KCNE1: variants seen among roughly 807,000 people sequenced by gnomAD.
The protein encoded by KCNE1 is potassium voltage-gated channel subfamily E member 1.
KCNE1 carries 1 observed loss-of-function variant against 2.9 expected under a neutral mutation model. The observed-to-expected ratio is 0.34, with a 90% CI of 0.12 to 1.62. The LOEUF is 1.62. Among genes scored for constraint, KCNE1 ranks in the 40% most tolerant of loss-of-function variants. The pLI, the probability that KCNE1 is intolerant of heterozygous loss-of-function variation, is 0.36. For synonymous variants in KCNE1, 23 were observed against 65.4 expected (o/e 0.35, Z 3.13); for missense variants, 45 against 150.5 (o/e 0.30, Z 3.67).
intron 1 of KCNE1, among the ~76,000 whole-genome samples, chr21:34,511,597 C>T (rs976951360): frequency 6.6e-6 from 1 of 152,200 alleles, no homozygotes; most frequent in Non-Finnish European, 1.5e-5. Flanking sequence ...CTGTCTGTTA[C>T]AAATTATGTA....
rs183416338 is a variant in KCNE1, at chr21:34,498,455, G to A, written c.-162+12646C>T. Reference sequence around the variant, plus strand: ...GGGGCTTCCTGGGAGCCAGACTGCAGTAATTGTAATTGTTCTTCTGGGTCT... The same window carrying A: ...GGGGCTTCCTGGGAGCCAGACTGCAATAATTGTAATTGTTCTTCTGGGTCT... On this transcript the variant is annotated intron_variant, in intron 2 of 3. Transcript: ENST00000399286. 7.9e-5 allele frequency among the ~76,000 whole-genome samples: 12 copies of A among 152,324 alleles called. No individual in the cohort carries two copies. The East Asian group carries it at 1.7e-3, about 22-fold the overall frequency.
intron 2 of KCNE1, among the ~76,000 whole-genome samples, chr21:34,502,937 C>T (rs1983255455): frequency 6.6e-6 from 1 of 152,232 alleles, no homozygotes; most frequent in African/African-American, 2.4e-5. Context: ...TTCTCATTCA[C>T]CACTCAGCAC....
intron 2 of KCNE1, among the ~76,000 whole-genome samples, chr21:34,499,026 G>A (rs895060535): frequency 6.6e-6 from 1 of 152,224 alleles, no homozygotes; most frequent in African/African-American, 2.4e-5. Context: ...TGGGGGCAGA[G>A]TTTGGCATGT....
intron 2 of KCNE1, among the ~76,000 whole-genome samples, chr21:34,503,586 C>T (rs550185731): frequency 9.9e-5 from 15 of 152,192 alleles, no homozygotes; most frequent in South Asian, 6.2e-4. Context: ...GGTCTATGGA[C>T]GACCAGTTCC....
At chr21:34,497,484 T>C (rs992803841) in intron 2 of KCNE1, among the ~76,000 whole-genome samples, 1 of 152,242 alleles carries the variant, frequency 6.6e-6, no homozygotes, top group African/African-American at 2.4e-5. Context: ...ACAATTATTT[T>C]GTTTGAGGAG....
intron 2 of KCNE1, among the ~76,000 whole-genome samples, chr21:34,502,503 C>T (rs1983225701): frequency 6.6e-6 from 1 of 152,202 alleles, no homozygotes. Flanking sequence ...CAAGACATGT[C>T]CTGTCCTTTA....
rs903669172 is a variant in KCNE1, at chr21:34,512,050, C to T, written c.-400G>A. 2.6e-5 allele frequency: 4 copies of T among 152,254 alleles called. No individual in the cohort carries two copies. Among genetic ancestry groups the T allele is most frequent in the South Asian group, 2.1e-4 (1 of 4,826 alleles). The allele number at this position is 152,254 out of a possible 1,614,324, so 9.4% of individuals were successfully genotyped here. On this transcript the variant is annotated 5_prime_UTR_variant, in exon 1 of 4. Transcript: ENST00000399286. ...ACCTAGACCCTTGCATCAAAGGACT[C>T]GGGGACTCTGCTGCAGTCATCCTAG... is the stretch of plus-strand genomic sequence containing the variant.
In KCNE1 at chr21:34,449,501, A is replaced by AG; in HGVS notation, c.133dup (p.Leu45ProfsTer66). 2 of 1,036,556 alleles carry AG rather than the reference A, an allele frequency of 1.9e-6. 1 individual carries two copies. Among genetic ancestry groups the AG allele is most frequent in the East Asian group, 6.5e-5 (2 of 30,716 alleles). 64.2% of individuals were successfully genotyped at this position (1,036,556 alleles called of 1,614,324 possible). On this transcript the variant is annotated frameshift_variant, in exon 4 of 4. Coordinates refer to ENST00000399286, the MANE Select transcript of KCNE1 (RefSeq NM_000219.6). LOFTEE classifies it high-confidence loss of function. ...GAATCCCAGTACCATGAGGACGTAG[A>AG]GGGCCTCCAGCTTGCCGTCACTGCT...
chr21:34,509,473 TGA>T (rs1170998180), intron 2 of KCNE1: 1 of 152,216 alleles, frequency 6.6e-6, no homozygotes, highest in Admixed American at 6.5e-5. Flanking sequence ...TTTTTGTTTT[TGA>T]GACAGAGTCT....
chr21:34,449,315 T>G lies in KCNE1; in HGVS notation c.320A>C (p.Tyr107Ser). ...ARVLESYRSC[Y>S]VVENHLAIEQ... ...TATGGCCAGATGGTTTTCAACGACA[T>G]AGCACGACCTGTAGCTCTCCAGGAC... Residue 107 changes from tyrosine (Y) to serine (S), a missense_variant, in exon 4 of 4, where the codon TAT becomes TCT. Tyr to Ser is a moderately radical substitution (Grantham distance 144). Coordinates refer to ENST00000399286, the MANE Select transcript of KCNE1 (RefSeq NM_000219.6). 6.9e-7 allele frequency: 1 copy of G among 1,450,648 alleles called. No individual in the cohort carries two copies. The highest frequency in any genetic ancestry group is 9.6e-7 in the Non-Finnish European group (1 of 1,039,484). The allele number at this position is 1,450,648 out of a possible 1,614,324, so 89.9% of individuals were successfully genotyped here.
chr21:34,504,881 C>T (rs1260489603), intron 2 of KCNE1, among the ~76,000 whole-genome samples: 2 of 152,096 alleles, frequency 1.3e-5, no homozygotes, highest in East Asian at 3.9e-4. Context: ...TTAGTGGGAA[C>T]TTAGGGCTCA....
intron 2 of KCNE1, among the ~76,000 whole-genome samples, chr21:34,495,857 ATGT>A (rs1434938846): frequency 6.6e-6 from 1 of 151,430 alleles, no homozygotes; most frequent in Admixed American, 6.6e-5. Flanking sequence ...CTTTTTGTTA[ATGT>A]TGTTGTTTAC....
chr21:34,449,737 A>T, intron 3 of KCNE1, 53 bp from the exon 4 acceptor site: 1 of 496,884 alleles, frequency 2.0e-6, no homozygotes, highest in Non-Finnish European at 3.5e-6. Flanking sequence ...GCCAAAACCC[A>T]CACGTACGCA....
At chr21:34,507,136 T>C (rs913973841) in intron 2 of KCNE1, among the ~76,000 whole-genome samples, 10 of 152,166 alleles carry the variant, frequency 6.6e-5, no homozygotes, top group Non-Finnish European at 1.5e-5. Flanking sequence ...AAGCTCGCTC[T>C]GACAGTAGCG....
At chr21:34,506,999 C>T (rs1983532593) in intron 2 of KCNE1, among the ~76,000 whole-genome samples, 1 of 152,190 alleles carries the variant, frequency 6.6e-6, no homozygotes, top group Non-Finnish European at 1.5e-5. Flanking sequence ...ACTGCAGACG[C>T]CCTGTCATGC....
intron 2 of KCNE1, among the ~76,000 whole-genome samples, chr21:34,508,072 G>A (rs927235638): frequency 6.6e-6 from 1 of 151,816 alleles, no homozygotes; most frequent in Non-Finnish European, 1.5e-5. Flanking sequence ...TGTGGTCCAC[G>A]CTGGAGTGCA....
chr21:34,504,266 C>T (rs1404951689), intron 2 of KCNE1, among the ~76,000 whole-genome samples: 1 of 152,164 alleles, frequency 6.6e-6, no homozygotes. Flanking sequence ...GGATGTTGCA[C>T]AGGATGAGAC....
At chr21:34,508,728 T>C (rs1363564324) in intron 2 of KCNE1, among the ~76,000 whole-genome samples, 2 of 152,188 alleles carry the variant, frequency 1.3e-5, no homozygotes, top group Admixed American at 6.6e-5. Flanking sequence ...TTACAAAAAA[T>C]AGTCATAGAA....
chr21:34,511,026 T>A, intron 2 of KCNE1, 75 bp downstream of exon 2: 1 of 468,632 alleles, frequency 2.1e-6, no homozygotes, highest in Non-Finnish European at 2.8e-6. Flanking sequence ...CTTAGCCTGA[T>A]GTCAGGGTGG....
Sources: gnomAD v4.1 joint callset for allele counts (sites outside exome capture counted in the v4.1 genomes callset) on GRCh38, gnomAD v4.1.1 for gene constraint, MANE v1.5 for transcripts, NCBI Gene and HGNC (gene_info 2026-07-23, HGNC 2026-07-21) for gene names.